Variants in TRPM5 observed in about 807,000 individuals in gnomAD.
TRPM5 encodes transient receptor potential cation channel subfamily M member 5.
Under a neutral mutation model 124.9 loss-of-function variants are expected in TRPM5, and 121 were observed. That is an observed-to-expected ratio of 0.97 (90% CI 0.84 to 1.13). TRPM5 has a LOEUF of 1.13. Ranked by LOEUF, TRPM5 falls within the 50% of genes most tolerant of loss-of-function variation. The pLI is 0.00. For missense variants in TRPM5, 1,643 were observed against 1,589.1 expected (o/e 1.03, Z -0.58); for synonymous variants, 781 against 700.5 (o/e 1.11, Z -1.81).
At chr11:2,436,660 A>G in the TRPM5 span, among the ~76,000 whole-genome samples, 1 of 152,284 alleles carries the variant, frequency 6.6e-6, no homozygotes, top group Admixed American at 6.5e-5. Flanking sequence ...CAGTGACGGG[A>G]GGGTCAGCAG....
At chr11:2,404,453 C>T, downstream of TRPM5, 1 of 154,654 alleles carries the variant, frequency 6.5e-6, no homozygotes, top group African/African-American at 2.4e-5. Flanking sequence ...TTCCAGGAGC[C>T]AGTCACCTGA....
the TRPM5 span, among the ~76,000 whole-genome samples, chr11:2,432,021 A>G: frequency 2.6e-5 from 4 of 152,192 alleles, no homozygotes; most frequent in Non-Finnish European, 5.9e-5. Flanking sequence ...CACTGCCATC[A>G]AGGCAGAGAC....
chr11:2,412,986 C>G (rs1211987565), exon 15 of TRPM5: 2 of 1,606,240 alleles, frequency 1.2e-6, no homozygotes, highest in Non-Finnish European at 1.7e-6. Context: ...ACCCTGAGCC[C>G]TCGGCGCCTC....
rs144131269 is a variant in TRPM5, at chr11:2,416,954, C to T, written c.1009+773G>A. Among the ~76,000 whole-genome samples the T allele has an allele frequency of 3.2e-3, 483 of 152,290 alleles. 3 individuals are homozygous for T. The highest frequency in any genetic ancestry group is 9.7e-3 in the African/African-American group (404 of 41,558). ...GGCATACGCTTCAACACGGAGGAAC[C>T]GTCAAACCCTCCCGCTGCCTGCAGG... On this transcript the variant is annotated intron_variant, in intron 7 of 23. Transcript: ENST00000155858.
the TRPM5 span, among the ~76,000 whole-genome samples, chr11:2,443,260 A>G: frequency 6.6e-6 from 1 of 152,170 alleles, no homozygotes; most frequent in Admixed American, 6.5e-5. The surrounding 1 kb of genome is among the most constrained non-coding windows in gnomAD (Gnocchi z 5.0). Context: ...ATGACTGTCC[A>G]GTTGTCCAAA....
chr11:2,418,723 C>CCTGTGT, intron 4 of TRPM5, 132 bp from the exon 10 acceptor site: 1 of 871,402 alleles, frequency 1.1e-6, no homozygotes, highest in Non-Finnish European at 1.8e-6. Context: ...TTCGTCTGGG[C>CCTGTGT]CACGTGACAC....
chr11:2,406,651 G>GCC lies in TRPM5; in HGVS notation c.3251+8_3251+9dup. 6.2e-7 allele frequency: 1 copy of GCC among 1,601,202 alleles called. No individual in the cohort carries two copies. Among genetic ancestry groups the GCC allele is most frequent in the Non-Finnish European group, 8.5e-7 (1 of 1,173,626 alleles). On this transcript the variant is annotated intron_variant, in intron 21 of 23. Coordinates refer to ENST00000155858, the Ensembl canonical transcript of TRPM5. ...CGATACCCACCAGTGATCAGGACAG[G>GCC]CCCCCGCACCTGTGGGCGGTTTTCC...
At chr11:2,421,546 T>A (rs1428884727) in intron 2 of TRPM5, among the ~76,000 whole-genome samples, 1 of 152,182 alleles carries the variant, frequency 6.6e-6, no homozygotes, top group Non-Finnish European at 1.5e-5. Context: ...CCCAGGATGT[T>A]TTCCCAAATG....
upstream of TRPM5, among the ~76,000 whole-genome samples, chr11:2,426,490 C>T (rs1845841415): frequency 2.0e-5 from 3 of 152,086 alleles, no homozygotes; most frequent in African/African-American, 7.2e-5. Context: ...CCATCGTGAC[C>T]CCTGGCCAGA....
At chr11:2,406,196 G>T in intron 21 of TRPM5, 105 bp from the exon 27 acceptor site, 1 of 1,267,116 alleles carries the variant, frequency 7.9e-7, no homozygotes, top group Non-Finnish European at 1.1e-6. Flanking sequence ...AGTTTGGGGT[G>T]CCCTGGCCCT....
rs368126082 is a variant in TRPM5 at position 2,406,423 on chromosome 11, C to T, written c.3251+238G>A. Among the ~76,000 whole-genome samples the T allele has an allele frequency of 3.9e-5, 6 of 152,256 alleles. No individual in the cohort carries two copies. In the South Asian group the frequency reaches 1.2e-3, roughly 32 times the overall value. On this transcript the variant is annotated intron_variant, in intron 21 of 23. Transcript: ENST00000155858. ...GGGGTGGGTAGTCCCAACCCTGAGA[C>T]CACAGCAGGGAGGGCGCCACGGTCA...
At chr11:2,443,693 G>A in the TRPM5 span, among the ~76,000 whole-genome samples, 2 of 152,138 alleles carry the variant, frequency 1.3e-5, no homozygotes, top group Non-Finnish European at 2.9e-5. This position sits in a 1 kb window ranked among gnomAD's most constrained non-coding sequence, Gnocchi z 5.0. Context: ...GGGACGACCT[G>A]GAAGTGTCAC....
chr11:2,438,541 C>T, the TRPM5 span, among the ~76,000 whole-genome samples: 1 of 152,140 alleles, frequency 6.6e-6, no homozygotes, highest in African/African-American at 2.4e-5. The surrounding 1 kb of genome is among the most constrained non-coding windows in gnomAD (Gnocchi z 5.9). Flanking sequence ...GTGGCATATG[C>T]CTGTAGTCCT....
the TRPM5 span, among the ~76,000 whole-genome samples, chr11:2,430,542 ATGT>A: frequency 6.7e-6 from 1 of 149,070 alleles, no homozygotes; most frequent in African/African-American, 2.5e-5. Context: ...GCTGGTGGTG[ATGT>A]TGGTGGCAGC....
At chr11:2,411,371 G>T in exon 18 of TRPM5, 1 of 1,606,596 alleles carries the variant, frequency 6.2e-7, no homozygotes, top group Non-Finnish European at 8.5e-7. Context: ...CGTCCAGTGG[G>T]ATCTGGCCGA....
intron 21 of TRPM5, 103 bp from the exon 27 acceptor site, chr11:2,406,194 G>T: frequency 7.6e-7 from 1 of 1,312,960 alleles, no homozygotes. Context: ...CGAGTTTGGG[G>T]TGCCCTGGCC....
At position 2,405,602 on chromosome 11, in the gene TRPM5, G is replaced by A. The variant is rs1241437781; in HGVS notation, c.3325-9C>T. On this transcript the variant is annotated splice_polypyrimidine_tract_variant and intron_variant, in intron 22 of 23. Transcript: ENST00000155858. ...ACCGAGCAGTAGTTGATCTGGAGAA[G>A]GGAAACACGTCCGGGAAGCTCCAGG... 1.9e-6 allele frequency: 3 copies of A among 1,558,354 alleles called. No individual in the cohort carries two copies.
intron 22 of TRPM5, 96 bp downstream of exon 27, chr11:2,405,923 C>T (rs867883758): frequency 1.7e-6 from 2 of 1,181,690 alleles, no homozygotes; most frequent in Non-Finnish European, 2.5e-6. Flanking sequence ...CCTGCCTCAT[C>T]TCTGTGAGTG....
At chr11:2,412,867 G>C in exon 15 of TRPM5, 1 of 1,599,702 alleles carries the variant, frequency 6.3e-7, no homozygotes, top group Non-Finnish European at 8.5e-7. Flanking sequence ...TAGGTGAACA[G>C]GAAGAGGAAG....
Sources: gnomAD v4.1 joint callset for allele counts (sites outside exome capture counted in the v4.1 genomes callset) on GRCh38, gnomAD v4.1.1 for gene constraint, Gnocchi (gnomAD v3.1) non-coding constraint, MANE v1.5 for transcripts, NCBI Gene and HGNC (gene_info 2026-07-23, HGNC 2026-07-21) for gene names.